The following TRDN variants were observed in gnomAD, a reference collection of about 807,000 sequenced individuals.
TRDN encodes triadin.
TRDN carries 161 observed loss-of-function variants against 149.7 expected under a neutral mutation model. The observed-to-expected ratio is 1.08, with a 90% CI of 0.95 to 1.23. The LOEUF (loss-of-function observed/expected upper bound fraction) is 1.23. Ranked by LOEUF, TRDN falls within the 50% of genes most tolerant of loss-of-function variation. The pLI, the probability that TRDN is intolerant of heterozygous loss-of-function variation, is 0.00. For synonymous variants in TRDN, 294 were observed against 250.5 expected (o/e 1.17, Z -1.64); for missense variants, 896 against 823.5 (o/e 1.09, Z -1.08).
chr6:123,494,836 C>A (rs914732545), intron 9 of TRDN, among the ~76,000 whole-genome samples: 1 of 151,968 alleles, frequency 6.6e-6, no homozygotes, highest in Admixed American at 6.6e-5. Flanking sequence ...CAGGTTCAAG[C>A]AATTCTCCTG....
intron 4 of TRDN, among the ~76,000 whole-genome samples, chr6:123,533,671 G>C (rs1396640928): frequency 6.6e-6 from 1 of 151,910 alleles, no homozygotes; most frequent in Admixed American, 6.6e-5. Flanking sequence ...ACTGAAATGA[G>C]CAAGGGACCA....
chr6:123,393,636 T>C lies in TRDN; in HGVS notation c.1093A>G (p.Ile365Val), dbSNP rs1772599341. 1.9e-6 allele frequency: 3 copies of C among 1,605,640 alleles called. No homozygotes were observed. The highest frequency in any genetic ancestry group is 1.7e-6 in the Non-Finnish European group (2 of 1,175,344). The change falls in exon 13 of 41, where the codon ATT (isoleucine) becomes GTT (valine). Residue 365 changes from isoleucine (I) to valine (V), a missense_variant. By Grantham distance (29) the Ile-to-Val change is conservative. Coordinates refer to ENST00000334268, the MANE Select transcript of TRDN (RefSeq NM_006073.4). ...TTTTATTGCTTACCTTGTGCTGCAA[T>C]TTTTACAGTCCCTTGTTTGGTTTCA... is the stretch of plus-strand genomic sequence containing the variant. ...ASETKQGTVK[I>V]AAQAAAKKDE...
chr6:123,218,790 A>C, intron 40 of TRDN, 50 bp from the exon 41 acceptor site: 1 of 1,537,870 alleles, frequency 6.5e-7, no homozygotes, highest in Non-Finnish European at 8.8e-7. Context: ...ACATGAGCAA[A>C]AAAGCACAGT....
chr6:123,408,546 C>G (rs1821086), intron 12 of TRDN, among the ~76,000 whole-genome samples: 1 of 151,754 alleles, frequency 6.6e-6, no homozygotes, highest in Non-Finnish European at 1.5e-5. Context: ...GGCAAGGTGG[C>G]GGGCACCTGT....
chr6:123,293,859 G>A (rs1778096462), intron 24 of TRDN, among the ~76,000 whole-genome samples: 1 of 152,048 alleles, frequency 6.6e-6, no homozygotes, highest in Non-Finnish European at 1.5e-5. Context: ...GTCCCCCAGG[G>A]GTCACTGTCC....
chr6:123,346,723 A>G (rs1371683044), intron 21 of TRDN, among the ~76,000 whole-genome samples: 1 of 152,032 alleles, frequency 6.6e-6, no homozygotes, highest in Non-Finnish European at 1.5e-5. Context: ...ATTATATTTA[A>G]TAGATATTTG....
At chr6:123,528,820 T>C in intron 5 of TRDN, 2 of 1,001,240 alleles carry the variant, frequency 2.0e-6, no homozygotes, top group Non-Finnish European at 2.4e-6. Context: ...GTGGAAAACA[T>C]AAGCTCTCTC....
chr6:123,328,799 G>T (rs1449835907), intron 23 of TRDN, among the ~76,000 whole-genome samples: 5 of 152,058 alleles, frequency 3.3e-5, no homozygotes, highest in African/African-American at 4.8e-5. Context: ...CTGGTTAATT[G>T]CATTGAGACT....
chr6:123,560,811 C>T (rs1041223384), intron 2 of TRDN, among the ~76,000 whole-genome samples: 1 of 152,282 alleles, frequency 6.6e-6, no homozygotes, highest in African/African-American at 2.4e-5. Flanking sequence ...ATTCTGTCAT[C>T]ATTTCATAAC....
chr6:123,237,470 G>A (rs1253209272), intron 38 of TRDN, among the ~76,000 whole-genome samples: 2 of 151,996 alleles, frequency 1.3e-5, no homozygotes, highest in East Asian at 1.9e-4. Context: ...GGCTGGTCTC[G>A]AACTCCTGAC....
intron 38 of TRDN, among the ~76,000 whole-genome samples, chr6:123,235,380 T>C (rs982621643): frequency 2.6e-5 from 4 of 152,064 alleles, no homozygotes; most frequent in Admixed American, 2.6e-4. Flanking sequence ...GGGCTCACTT[T>C]CAGGATGGAT....
At chr6:123,277,999 T>C (rs979598122) in intron 26 of TRDN, among the ~76,000 whole-genome samples, 1 of 152,166 alleles carries the variant, frequency 6.6e-6, no homozygotes, top group Non-Finnish European at 1.5e-5. Flanking sequence ...GAGAGAAGGA[T>C]GAGAGCAGAT....
intron 20 of TRDN, among the ~76,000 whole-genome samples, chr6:123,361,434 A>T (rs1346716094): frequency 6.6e-6 from 1 of 152,066 alleles, no homozygotes; most frequent in Admixed American, 6.6e-5. Flanking sequence ...TGATGGGTTG[A>T]TGGGTTCAGC....
intron 34 of TRDN, 98 bp from the exon 35 acceptor site, chr6:123,259,760 T>C (rs1437954109): frequency 9.8e-6 from 8 of 818,106 alleles, no homozygotes; most frequent in Non-Finnish European, 1.5e-5. Flanking sequence ...CTTAATCTTA[T>C]GAGTGGAGGG....
At chr6:123,481,514 G>GA (rs1562338483) in intron 9 of TRDN, among the ~76,000 whole-genome samples, 5 of 150,964 alleles carry the variant, frequency 3.3e-5, no homozygotes, top group Admixed American at 2.6e-4. Flanking sequence ...ATAGCCATTT[G>GA]AAAAAATTCT....
At chr6:123,494,997 A>G (rs1051645308) in intron 9 of TRDN, among the ~76,000 whole-genome samples, 29 of 151,694 alleles carry the variant, frequency 1.9e-4, no homozygotes, top group African/African-American at 7.0e-4. Context: ...GCCTCCCAAA[A>G]TGCTTGCATT....
intron 4 of TRDN, among the ~76,000 whole-genome samples, chr6:123,531,928 C>A (rs1222937936): frequency 6.6e-6 from 1 of 152,000 alleles, no homozygotes; most frequent in African/African-American, 2.4e-5. Flanking sequence ...CTTTTAGATG[C>A]CAGTAGCCCC....
intron 10 of TRDN, among the ~76,000 whole-genome samples, chr6:123,447,472 A>T (rs1310124707): frequency 6.6e-6 from 1 of 151,994 alleles, no homozygotes; most frequent in Non-Finnish European, 1.5e-5. Context: ...GTGGAAAGCT[A>T]CTCCTGGGGG....
At chr6:123,578,778 G>A (rs566727262) in intron 1 of TRDN, among the ~76,000 whole-genome samples, 26 of 151,852 alleles carry the variant, frequency 1.7e-4, no homozygotes, top group Admixed American at 1.2e-3. Flanking sequence ...ATTTTTATCC[G>A]TGAGCATGGG....
Sources: gnomAD v4.1 joint callset for allele counts (sites outside exome capture counted in the v4.1 genomes callset) on GRCh38, gnomAD v4.1.1 for gene constraint, MANE v1.5 for transcripts, NCBI Gene and HGNC (gene_info 2026-07-23, HGNC 2026-07-21) for gene names.